CDH12: variants seen among roughly 807,000 people sequenced by gnomAD.
The protein encoded by CDH12 is cadherin-12.
A neutral mutation model predicts 74.1 loss-of-function variants in CDH12; 41 were observed. That is an observed-to-expected ratio of 0.55 (90% CI 0.43 to 0.72). CDH12 has a LOEUF of 0.72. Among genes scored for constraint, CDH12 ranks in the 30% least tolerant of loss-of-function variants. The probability of loss-of-function intolerance (pLI) is 0.00; values close to 1 mark genes in which losing one functional copy is unlikely to be tolerated. For missense variants in CDH12, 945 were observed against 977.2 expected, an observed-to-expected ratio of 0.97 and a Z score of 0.44; for synonymous variants, 399 against 355.0, an observed-to-expected ratio of 1.12 and a Z score of -1.39.
intron 6 of CDH12, among the ~76,000 whole-genome samples, chr5:21,895,980 C>A (rs949216547): frequency 2.6e-5 from 4 of 152,170 alleles, no homozygotes; most frequent in African/African-American, 9.7e-5. Context: ...CCAGGCAGAA[C>A]AATTCCCTTC....
chr5:21,855,759 A>G (rs986075278), intron 6 of CDH12, among the ~76,000 whole-genome samples: 2 of 151,694 alleles, frequency 1.3e-5, no homozygotes, highest in African/African-American at 4.8e-5. Context: ...TAGTGAAAAT[A>G]GGATTGTTCC....
chr5:22,183,354 T>C (rs551469656), intron 4 of CDH12, among the ~76,000 whole-genome samples: 2 of 152,274 alleles, frequency 1.3e-5, no homozygotes, highest in Non-Finnish European at 2.9e-5. Context: ...GACAGGCAGC[T>C]ATAAAGCCTG....
chr5:22,766,538 G>A (rs1262163030), intron 1 of CDH12, among the ~76,000 whole-genome samples: 1 of 151,976 alleles, frequency 6.6e-6, no homozygotes, highest in Non-Finnish European at 1.5e-5. Flanking sequence ...ATTTAAAACA[G>A]TACTTTAGAA....
At chr5:21,880,610 TC>T (rs1397886815) in intron 6 of CDH12, among the ~76,000 whole-genome samples, 12 of 87,506 alleles carry the variant, frequency 1.4e-4, no homozygotes, top group African/African-American at 5.3e-4. Context: ...CTTCCTTCCT[TC>T]CTTCCTTCTT....
chr5:22,094,122 C>G (rs1743601472), intron 4 of CDH12, among the ~76,000 whole-genome samples: 4 of 152,110 alleles, frequency 2.6e-5, no homozygotes, highest in Admixed American at 2.6e-4. Flanking sequence ...AGAGGGAAAT[C>G]AAGAGGCAAA....
Position 22,595,478 on chromosome 5 carries a change from G to A in CDH12, c.-522-90114C>T, listed in dbSNP as rs571369759. Among the ~76,000 whole-genome samples, 31 of 152,250 alleles carry A rather than the reference G, an allele frequency of 2.0e-4. No homozygotes were observed. The South Asian group carries it at 2.9e-3, about 14-fold the overall frequency. Reference sequence around the variant, plus strand: ...TCATTATAGTAATGTTTACATTTACGTATTCATTCATTCAAAGACATCTAG... The same window carrying A: ...TCATTATAGTAATGTTTACATTTACATATTCATTCATTCAAAGACATCTAG... On this transcript the variant is annotated intron_variant, in intron 1 of 14. Coordinates refer to ENST00000382254, the MANE Select transcript of CDH12 (RefSeq NM_004061.5).
rs1050294206 is a variant in CDH12, at chr5:22,768,709, C to G, written c.-523+84349G>C. Among the ~76,000 whole-genome samples the G allele has an allele frequency of 3.3e-5, 5 of 152,078 alleles. No individual in the cohort carries two copies. In the East Asian group the frequency reaches 9.7e-4, roughly 29 times the overall value. On this transcript the variant is annotated intron_variant, in intron 1 of 14. Transcript: ENST00000382254. The stretch of plus-strand genomic sequence containing the variant: ...TGGACCCATGGTAACTACCTGGTCT[C>G]TGCCACTGATTTCCTATTTGGTCAT...
At chr5:22,335,903 G>T (rs1739561874) in intron 3 of CDH12, among the ~76,000 whole-genome samples, 1 of 152,126 alleles carries the variant, frequency 6.6e-6, no homozygotes, top group Non-Finnish European at 1.5e-5. Context: ...GGCAGAGGTT[G>T]GAACAGTTTG....
intron 3 of CDH12, among the ~76,000 whole-genome samples, chr5:22,233,925 A>G (rs1394028374): frequency 6.6e-6 from 1 of 152,212 alleles, no homozygotes; most frequent in Non-Finnish European, 1.5e-5. Context: ...ATCAATGCAT[A>G]GTCCCAATAG....
intron 6 of CDH12, among the ~76,000 whole-genome samples, chr5:21,855,026 C>G (rs1055291415): frequency 2.6e-5 from 4 of 151,674 alleles, no homozygotes; most frequent in African/African-American, 9.7e-5. Flanking sequence ...TTTCCAGGAG[C>G]TGGATCATCG....
chr5:22,400,035 C>T (rs903220660), intron 3 of CDH12, among the ~76,000 whole-genome samples: 1 of 152,126 alleles, frequency 6.6e-6, no homozygotes, highest in African/African-American at 2.4e-5. Flanking sequence ...TCCTGGACTC[C>T]TCCCTTCCTA....
intron 1 of CDH12, among the ~76,000 whole-genome samples, chr5:22,704,821 T>C (rs1476436834): frequency 6.6e-6 from 1 of 152,026 alleles, no homozygotes; most frequent in Non-Finnish European, 1.5e-5. Context: ...TTTTGGAAAC[T>C]TGAATTGTTG....
chr5:21,770,908 C>A (rs1011238727), intron 11 of CDH12, among the ~76,000 whole-genome samples: 1 of 152,058 alleles, frequency 6.6e-6, no homozygotes, highest in South Asian at 2.1e-4. Context: ...ATGACCTTTG[C>A]GGAAACCTGG....
intron 3 of CDH12, among the ~76,000 whole-genome samples, chr5:22,322,382 G>A (rs1738923155): frequency 6.8e-6 from 1 of 146,092 alleles, no homozygotes; most frequent in Non-Finnish European, 1.5e-5. Context: ...AAAAAAACAT[G>A]GTAATCTGCT....
At chr5:22,819,798 C>T (rs1241938545) in intron 1 of CDH12, among the ~76,000 whole-genome samples, 1 of 149,670 alleles carries the variant, frequency 6.7e-6, no homozygotes, top group Non-Finnish European at 1.5e-5. Flanking sequence ...AACAGAAAAC[C>T]AAAATAAAAT....
intron 3 of CDH12, among the ~76,000 whole-genome samples, chr5:22,223,021 C>G (rs1752073759): frequency 6.6e-6 from 1 of 151,592 alleles, no homozygotes; most frequent in Non-Finnish European, 1.5e-5. Context: ...AAAGGAGCAA[C>G]TTGAGAGAAA....
At chr5:22,498,281 T>A (rs1168747875) in intron 2 of CDH12, among the ~76,000 whole-genome samples, 2 of 152,000 alleles carry the variant, frequency 1.3e-5, no homozygotes, top group African/African-American at 4.8e-5. Flanking sequence ...TTATACATAA[T>A]TTAAATATTA....
intron 1 of CDH12, among the ~76,000 whole-genome samples, chr5:22,662,720 C>T (rs1251022036): frequency 6.6e-6 from 1 of 152,170 alleles, no homozygotes; most frequent in Non-Finnish European, 1.5e-5. Flanking sequence ...CTGTTGCATT[C>T]CCTAAAGATG....
chr5:22,208,573 T>C (rs1040173669), intron 4 of CDH12, among the ~76,000 whole-genome samples: 2 of 152,234 alleles, frequency 1.3e-5, no homozygotes, highest in African/African-American at 4.8e-5. Context: ...AGGCTCCACA[T>C]GGCATTTCAA....
Sources: allele counts gnomAD v4.1 joint callset (sites outside exome capture counted in the v4.1 genomes callset), GRCh38; gene constraint gnomAD v4.1.1; transcripts MANE v1.5; gene names NCBI Gene and HGNC (gene_info 2026-07-23, HGNC 2026-07-21).